The following RLIM variants were observed in gnomAD, a reference collection of about 807,000 sequenced individuals.
RLIM encodes ring finger protein, LIM domain interacting.
Under a neutral mutation model 34.0 loss-of-function variants are expected in RLIM, and 2 were observed. The observed-to-expected ratio is 0.06, with a 90% CI of 0.02 to 0.19. The LOEUF (loss-of-function observed/expected upper bound fraction) is 0.19, where lower values mean the gene tolerates loss of function less well. RLIM is among the 10% of genes least tolerant of loss of function. The probability of loss-of-function intolerance (pLI) is 1.00; values close to 1 mark genes in which losing one functional copy is unlikely to be tolerated. For missense variants in RLIM, 286 were observed against 479.7 expected, an observed-to-expected ratio of 0.60 and a Z score of 3.77; for synonymous variants, 169 against 164.0, an observed-to-expected ratio of 1.03 and a Z score of -0.23.
chrX:74,592,221 C>A lies in RLIM; in HGVS notation c.1094G>T (p.Arg365Leu). 1 of 1,211,747 alleles carries A rather than the reference C, an allele frequency of 8.3e-7. No homozygotes were observed. Residue 365 changes from arginine (R) to leucine (L), a missense_variant, in exon 4 of 4, where the codon CGT becomes CTT. Physicochemically the swap from Arg to Leu is moderately radical, Grantham distance 102 (BLOSUM62 -2). This residue lies in a region of RLIM where 121 missense variants were observed against 182.4 expected (regional missense o/e 0.66). Transcript: ENST00000332687. ...TYESERGGFR[R>L]TFSRSERAGV... ...TGCCCGCTCAGAACGTGAAAATGTA[C>A]GCCTAAAACCTCCTCGTTCACTTTC...
chrX:74,596,756 C>G (rs2147375059), intron 1 of RLIM, among the ~76,000 whole-genome samples: 1 of 111,429 alleles, frequency 9.0e-6, no homozygotes, highest in Admixed American at 9.6e-5. Flanking sequence ...ATGTGGCACT[C>G]CCATTGCTTT....
chrX:74,602,296 C>T (rs2079664603), intron 1 of RLIM, among the ~76,000 whole-genome samples: 1 of 111,393 alleles, frequency 9.0e-6, no homozygotes, highest in South Asian at 3.7e-4. Context: ...ATGAAAGATA[C>T]CTCAAGTTTT....
chrX:74,604,275 C>A (rs185371310), intron 1 of RLIM, among the ~76,000 whole-genome samples: 1 of 111,035 alleles, frequency 9.0e-6, no homozygotes, highest in Non-Finnish European at 1.9e-5. Context: ...CAAAACAATA[C>A]AGTTGTGTTT....
intron 1 of RLIM, among the ~76,000 whole-genome samples, chrX:74,606,006 T>A (rs2079680728): frequency 8.9e-6 from 1 of 112,038 alleles, no homozygotes; most frequent in African/African-American, 3.2e-5. Context: ...CCCAAGACTC[T>A]ATACTTTAAA....
intron 1 of RLIM, among the ~76,000 whole-genome samples, chrX:74,610,511 A>C (rs756734546): frequency 9.0e-6 from 1 of 111,217 alleles, no homozygotes; most frequent in South Asian, 3.8e-4. Flanking sequence ...AATATAAGAA[A>C]ATCTAGAGCA....
chrX:74,613,338 G>A (rs2079719976), intron 1 of RLIM, among the ~76,000 whole-genome samples: 1 of 110,608 alleles, frequency 9.0e-6, no homozygotes, highest in Non-Finnish European at 1.9e-5. Context: ...AATCATTGTG[G>A]GGTCTTGCAA....
Position 74,583,343 on chromosome X carries a change from T to C in RLIM, c.*8097A>G. ...TTTGCTTTTGCTCTTGAGGGGCAGA[T>C]GCCAACATGGAAACAGTCAAAGGTT... On this transcript the variant is annotated 3_prime_UTR_variant, in exon 4 of 4. Coordinates refer to ENST00000332687, the MANE Select transcript of RLIM (RefSeq NM_016120.4). The C allele has an allele frequency of 1.1e-6, 1 of 872,918 alleles. No homozygotes were observed. The highest frequency in any genetic ancestry group is 3.1e-5 in the East Asian group (1 of 32,320). 71.9% of individuals were successfully genotyped at this position (872,918 alleles called of 1,213,427 possible).
At chrX:74,598,179 A>C (rs960987476) in intron 1 of RLIM, among the ~76,000 whole-genome samples, 1 of 112,121 alleles carries the variant, frequency 8.9e-6, no homozygotes, top group Non-Finnish European at 1.9e-5. Context: ...CTGAGCTCAA[A>C]CTACAGTTCC....
intron 1 of RLIM, among the ~76,000 whole-genome samples, chrX:74,613,833 G>A (rs1028831890): frequency 9.1e-6 from 1 of 110,054 alleles, no homozygotes; most frequent in Non-Finnish European, 1.9e-5. Context: ...TCGAGCAAGG[G>A]AGTAAACCAC....
rs925615618 is a variant in RLIM at position 74,587,825 on chromosome X, T to C, written c.*3615A>G. ...GAGGATACTTGGCACAGAAAAGACA[T>C]GTTATGGGGCGGGGGACACATTACT... On this transcript the variant is annotated 3_prime_UTR_variant, in exon 4 of 4. Transcript: ENST00000332687. 8.9e-6 allele frequency: 1 copy of C among 111,989 alleles called. No individual in the cohort carries two copies. Among genetic ancestry groups the C allele is most frequent in the African/African-American group, 3.2e-5 (1 of 30,785 alleles). 9.2% of individuals were successfully genotyped at this position (111,989 alleles called of 1,213,427 possible). A position where few individuals can be genotyped will look rare whatever the true frequency, so the allele number is the denominator to read the frequency against.
At chrX:74,610,468 CA>C (rs755948111) in intron 1 of RLIM, among the ~76,000 whole-genome samples, 34 of 91,496 alleles carry the variant, frequency 3.7e-4, no homozygotes, top group East Asian at 2.4e-3. Context: ...CAAAAAAAAC[CA>C]AAAAAAAAAA....
intron 1 of RLIM, among the ~76,000 whole-genome samples, chrX:74,600,862 A>AG (rs2079658445): frequency 9.3e-6 from 1 of 107,272 alleles, no homozygotes; most frequent in East Asian, 2.9e-4. Context: ...AAAAAAAAAA[A>AG]AAAAAAAAAG....
At position 74,585,550 on chromosome X, in the gene RLIM, T is replaced by C. The variant is rs943481016; in HGVS notation, c.*5890A>G. 2 of 112,001 alleles carry C rather than the reference T, an allele frequency of 1.8e-5. No individual in the cohort carries two copies. Among genetic ancestry groups the C allele is most frequent in the African/African-American group, 6.5e-5 (2 of 30,859 alleles). 9.2% of individuals were successfully genotyped at this position (112,001 alleles called of 1,213,427 possible). A position where few individuals can be genotyped will look rare whatever the true frequency, so the allele number is the denominator to read the frequency against. On this transcript the variant is annotated 3_prime_UTR_variant, in exon 4 of 4. Transcript: ENST00000332687. ...TAAATCTGCAGTATGACATCTTACA[T>C]AGGGAAAAAAGCTTCTTCCTAAAAG...
In RLIM at chrX:74,589,424, A is replaced by T. The variant is rs2079602979; in HGVS notation, c.*2016T>A. 8.9e-6 allele frequency: 1 copy of T among 111,971 alleles called. No individual in the cohort carries two copies. The highest frequency in any genetic ancestry group is 1.9e-5 in the Non-Finnish European group (1 of 53,232). The allele number at this position is 111,971 out of a possible 1,213,427, so 9.2% of individuals were successfully genotyped here. ...TTTTTAAAAAGATAAAATGTATTAC[A>T]TAAGCGCCATAAACAGTGAAATCTG... On this transcript the variant is annotated 3_prime_UTR_variant, in exon 4 of 4. Transcript: ENST00000332687.
Position 74,587,491 on chromosome X carries a change from T to A in RLIM, c.*3949A>T, listed in dbSNP as rs2079593009. ...AAAAAAAATCAAATAAGGCAGATTATAATTTTTTTTGTTCGCAAAAGAACA... is the reference window on the plus strand; with the variant it reads ...AAAAAAAATCAAATAAGGCAGATTAAAATTTTTTTTGTTCGCAAAAGAACA... On this transcript the variant is annotated 3_prime_UTR_variant, in exon 4 of 4. Coordinates refer to ENST00000332687, the MANE Select transcript of RLIM (RefSeq NM_016120.4). 1 of 111,954 alleles carries A rather than the reference T, an allele frequency of 8.9e-6. No homozygotes were observed. Among genetic ancestry groups the A allele is most frequent in the Non-Finnish European group, 1.9e-5 (1 of 53,229 alleles). The allele number at this position is 111,954 out of a possible 1,213,427, so 9.2% of individuals were successfully genotyped here.
chrX:74,591,636 C>T lies in RLIM; in HGVS notation c.1679G>A (p.Ser560Asn). Residue 560 changes from serine to asparagine, a missense_variant, in exon 4 of 4, where the codon AGT (serine) becomes AAT (asparagine). Transcript: ENST00000332687. ...KEQIDNLAMR[S>N]FGENDALKTC... ...TTTTAATGCATCATTTTCACCAAAA[C>T]TTCTCATTGCCAAGTTGTCAATCTG... The T allele has an allele frequency of 8.3e-7, 1 of 1,211,796 alleles. No homozygotes were observed. Among genetic ancestry groups the T allele is most frequent in the Admixed American group, 2.2e-5 (1 of 46,008 alleles).
At chrX:74,603,547 A>AC (rs1260991094) in intron 1 of RLIM, among the ~76,000 whole-genome samples, 3 of 111,612 alleles carry the variant, frequency 2.7e-5, no homozygotes, top group Non-Finnish European at 3.8e-5. Flanking sequence ...TTAGGGAACA[A>AC]ACCAGAATTA....
intron 3 of RLIM, 72 bp downstream of exon 3, chrX:74,594,234 G>T: frequency 1.4e-6 from 1 of 730,604 alleles, no homozygotes; most frequent in Non-Finnish European, 2.0e-6. Flanking sequence ...ATAATCTTTG[G>T]CTGACATTTA....
Position 74,594,332 on chromosome X carries a change from G to A in RLIM, c.227C>T (p.Pro76Leu), listed in dbSNP as rs757541855. Residue 76 changes from proline to leucine, a missense_variant, in exon 3 of 4, where the codon CCA (proline) becomes CTA (leucine). Physicochemically the swap from Pro to Leu is moderately conservative, Grantham distance 98 (BLOSUM62 -3). This residue lies in a region of RLIM where 62 missense variants were observed against 71.3 expected (regional missense o/e 0.87). Transcript: ENST00000332687. ...RRLQQIKEGPPPQNSDENRGG... is the reference protein window; with the variant it reads ...RRLQQIKEGPLPQNSDENRGG... The stretch of plus-strand genomic sequence containing the variant: ...TCTATTTTCATCTGAGTTTTGCGGT[G>A]GTGGGCCTTCTTTAATTTGCTGTAG... 8 of 1,206,859 alleles carry A rather than the reference G, an allele frequency of 6.6e-6. No homozygotes were observed. The highest frequency in any genetic ancestry group is 1.7e-5 in the African/African-American group (1 of 57,291).
Sources: gnomAD v4.1 joint callset for allele counts (sites outside exome capture counted in the v4.1 genomes callset) on GRCh38, gnomAD v4.1.1 for gene constraint, gnomAD v4.1.1 regional missense constraint, MANE v1.5 for transcripts, NCBI Gene and HGNC (gene_info 2026-07-23, HGNC 2026-07-21) for gene names.